GAS7: variants seen among roughly 807,000 people sequenced by gnomAD.
The protein encoded by GAS7 is growth arrest-specific protein 7.
In GAS7, 28 loss-of-function variants were observed where a neutral mutation model predicts 71.1. That is an observed-to-expected ratio of 0.39 (90% CI 0.29 to 0.54). The LOEUF (loss-of-function observed/expected upper bound fraction) is 0.54. GAS7 is among the 20% of genes least tolerant of loss of function. GAS7 has a pLI of 0.62. For synonymous variants in GAS7, 258 were observed against 245.8 expected, an observed-to-expected ratio of 1.05 and a Z score of -0.46; for missense variants, 436 against 627.8, an observed-to-expected ratio of 0.69 and a Z score of 3.27.
In GAS7 at chr17:9,912,056, C is replaced by T. The variant is rs2067452493; in HGVS notation, c.*5172G>A. ...CTCCATCTTCACGCCTGTCCTGGCT[C>T]CTGGGGAGTAGACTCCAGAACATAC... On this transcript the variant is annotated 3_prime_UTR_variant, in exon 14 of 14. Transcript: ENST00000432992. 2 of 232,004 alleles carry T rather than the reference C, an allele frequency of 8.6e-6. No individual in the cohort carries two copies. The highest frequency in any genetic ancestry group is 5.6e-5 in the Admixed American group (1 of 17,724). The allele number at this position is 232,004 out of a possible 1,614,324, so 14.4% of individuals were successfully genotyped here.
At position 10,198,501 on chromosome 17, in the gene GAS7, G is replaced by T; in HGVS notation, c.-111C>A. 1.4e-6 allele frequency: 1 copy of T among 738,476 alleles called. No individual in the cohort carries two copies. Among genetic ancestry groups the T allele is most frequent in the Non-Finnish European group, 1.9e-6 (1 of 512,834 alleles). 45.7% of individuals were successfully genotyped at this position (738,476 alleles called of 1,614,324 possible). On this transcript the variant is annotated 5_prime_UTR_variant, in exon 1 of 14. Coordinates refer to ENST00000432992, the MANE Select transcript of GAS7 (RefSeq NM_201433.2). The stretch of plus-strand genomic sequence containing the variant: ...CCGGCGCTCCGGGCTCCCGCGCTCT[G>T]GGCGCGCGCCGTCTCTGGGGTGCGC...
At chr17:10,174,932 G>C (rs1294632833) in intron 1 of GAS7, among the ~76,000 whole-genome samples, 1 of 152,020 alleles carries the variant, frequency 6.6e-6, no homozygotes, top group East Asian at 1.9e-4. Context: ...TGCAGCCTCG[G>C]CCTCCTGGAC....
chr17:9,999,944 G>T (rs1028775763), intron 2 of GAS7, among the ~76,000 whole-genome samples: 2 of 152,222 alleles, frequency 1.3e-5, no homozygotes, highest in African/African-American at 4.8e-5. Context: ...CTTCATCCAT[G>T]CAGAGGAATG....
At chr17:10,175,617 TTA>T (rs1461031041) in intron 1 of GAS7, among the ~76,000 whole-genome samples, 3 of 152,072 alleles carry the variant, frequency 2.0e-5, no homozygotes, top group Non-Finnish European at 4.4e-5. Flanking sequence ...AGTTAGTTAG[TTA>T]GTTATTTTCC....
At chr17:9,994,612 T>C (rs1028952118) in intron 2 of GAS7, among the ~76,000 whole-genome samples, 67 of 150,134 alleles carry the variant, frequency 4.5e-4, no homozygotes, top group Non-Finnish European at 8.4e-4. Context: ...ATTCAGGACA[T>C]AGGCATGGGC....
At chr17:9,962,703 T>A (rs188762171) in intron 4 of GAS7, among the ~76,000 whole-genome samples, 10 of 152,278 alleles carry the variant, frequency 6.6e-5, no homozygotes, top group African/African-American at 2.4e-4. Flanking sequence ...AAGCAGGGGA[T>A]GGAAAGACTG....
Position 9,913,305 on chromosome 17 carries a change from G to C in GAS7, c.*3923C>G, listed in dbSNP as rs779251174. 4.3e-6 allele frequency: 1 copy of C among 232,596 alleles called. No homozygotes were observed. Among genetic ancestry groups the C allele is most frequent in the Non-Finnish European group, 8.5e-6 (1 of 117,508 alleles). The allele number at this position is 232,596 out of a possible 1,614,324, so 14.4% of individuals were successfully genotyped here. On this transcript the variant is annotated 3_prime_UTR_variant, in exon 14 of 14. Transcript: ENST00000432992. ...CTGTACCCCACTTAACATTAGAAGT[G>C]CTCTCTCCGACCTACACAAGGAATG... is the stretch of plus-strand genomic sequence containing the variant.
intron 1 of GAS7, among the ~76,000 whole-genome samples, chr17:10,070,366 T>TA (rs2073327978): frequency 2.2e-5 from 3 of 136,288 alleles, no homozygotes; most frequent in Admixed American, 7.3e-5. Flanking sequence ...TTTTTTTTTT[T>TA]AATTTTTAAT....
intron 1 of GAS7, among the ~76,000 whole-genome samples, chr17:10,143,747 C>T (rs2074101270): frequency 6.6e-6 from 1 of 152,144 alleles, no homozygotes; most frequent in Non-Finnish European, 1.5e-5. Flanking sequence ...AACCTGTTGA[C>T]ATTTATGGTC....
Position 10,167,044 on chromosome 17 carries a change from C to CTTTT in GAS7, c.183+31160_183+31163dup, listed in dbSNP as rs1164151104. Among the ~76,000 whole-genome samples the CTTTT allele has an allele frequency of 1.6e-3, 95 of 58,804 alleles. 11 individuals carry two copies. Among genetic ancestry groups the CTTTT allele is most frequent in the African/African-American group, 2.6e-3 (32 of 12,294 alleles). The allele number at this position is 58,804 out of a possible 152,430, so 38.6% of individuals were successfully genotyped here. A position where few individuals can be genotyped will look rare whatever the true frequency, so the allele number is the denominator to read the frequency against. On this transcript the variant is annotated intron_variant, in intron 1 of 13. Transcript: ENST00000432992. ...AAACCAATCTACTATTTCCATTTGT[C>CTTTT]TTTTTTTTTTTTTTTTTTTTTTTTT...
intron 2 of GAS7, among the ~76,000 whole-genome samples, chr17:9,995,981 G>A (rs2071025303): frequency 6.6e-6 from 1 of 152,126 alleles, no homozygotes; most frequent in African/African-American, 2.4e-5. Flanking sequence ...TTAACAAAAG[G>A]GCATAAATAA....
At chr17:10,114,780 C>T (rs1489609121) in intron 1 of GAS7, among the ~76,000 whole-genome samples, 1 of 152,112 alleles carries the variant, frequency 6.6e-6, no homozygotes, top group Non-Finnish European at 1.5e-5. Context: ...CATTTTTCCA[C>T]ACCCTAGAAC....
chr17:10,031,416 T>C (rs576047188), intron 1 of GAS7, among the ~76,000 whole-genome samples: 3 of 152,300 alleles, frequency 2.0e-5, no homozygotes, highest in African/African-American at 7.2e-5. Flanking sequence ...GCTGGAAATA[T>C]GGAGTCTCCG....
Position 9,971,163 on chromosome 17 carries a change from G to T in GAS7, c.386-1401C>A, listed in dbSNP as rs1428019328. Reference sequence around the variant, plus strand: ...TATAATCCCAGTACTTCGTGAGGTGGAGGTGGGAGGATCGCTTGAGTCCAG... The same window carrying T: ...TATAATCCCAGTACTTCGTGAGGTGTAGGTGGGAGGATCGCTTGAGTCCAG... On this transcript the variant is annotated intron_variant, in intron 3 of 13. Coordinates refer to ENST00000432992, the MANE Select transcript of GAS7 (RefSeq NM_201433.2). Among the ~76,000 whole-genome samples, 5 of 152,172 alleles carry T rather than the reference G, an allele frequency of 3.3e-5. No individual in the cohort carries two copies. In the East Asian group the frequency reaches 9.6e-4, roughly 29 times the overall value.
At chr17:9,923,891 T>C (rs916772648) in intron 11 of GAS7, among the ~76,000 whole-genome samples, 4 of 152,178 alleles carry the variant, frequency 2.6e-5, no homozygotes, top group African/African-American at 9.7e-5. Context: ...GTTAAGGGAA[T>C]GATGAAACAA....
At chr17:10,016,625 C>CAA (rs2072027030) in intron 2 of GAS7, among the ~76,000 whole-genome samples, 1 of 112,720 alleles carries the variant, frequency 8.9e-6, no homozygotes, top group East Asian at 2.7e-4. Context: ...AAAAAAAAAA[C>CAA]AAAACAAAAA....
intron 1 of GAS7, among the ~76,000 whole-genome samples, chr17:10,142,085 G>A (rs1217781633): frequency 1.3e-5 from 2 of 151,822 alleles, no homozygotes; most frequent in African/African-American, 4.8e-5. Context: ...AAAATTAGCC[G>A]GGCGTGGTGG....
At position 10,046,826 on chromosome 17, in the gene GAS7, A is replaced by T. The variant is rs1354627306; in HGVS notation, c.184-26929T>A. 4.7e-5 allele frequency among the ~76,000 whole-genome samples: 6 copies of T among 127,654 alleles called. 1 individual carries two copies. Among genetic ancestry groups the T allele is most frequent in the Non-Finnish European group, 9.7e-5 (6 of 61,706 alleles). 83.7% of individuals were successfully genotyped at this position (127,654 alleles called of 152,430 possible). A position where few individuals can be genotyped will look rare whatever the true frequency, so the allele number is the denominator to read the frequency against. On this transcript the variant is annotated intron_variant, in intron 1 of 13. Coordinates refer to ENST00000432992, the MANE Select transcript of GAS7 (RefSeq NM_201433.2). ...GAAGGAAGGAAGGAAGGAAGGAAGG[A>T]AGGAAGGAAGGAAGGAAGGAAAGAA...
chr17:10,018,943 C>CA (rs1274884624), intron 2 of GAS7, among the ~76,000 whole-genome samples: 1 of 152,178 alleles, frequency 6.6e-6, no homozygotes, highest in African/African-American at 2.4e-5. Context: ...TCAGTTCTCT[C>CA]ATGGCAATTT....
Sources: gnomAD v4.1 joint callset for allele counts (sites outside exome capture counted in the v4.1 genomes callset) on GRCh38, gnomAD v4.1.1 for gene constraint, MANE v1.5 for transcripts, NCBI Gene and HGNC (gene_info 2026-07-23, HGNC 2026-07-21) for gene names.